The following ADARB1 variants were observed in gnomAD, a reference collection of about 807,000 sequenced individuals.
ADARB1 encodes the protein adenosine deaminase RNA specific B1, also known as double-stranded RNA-specific editase 1.
Under a neutral mutation model 52.4 loss-of-function variants are expected in ADARB1, and 10 were observed. The ratio of observed to expected loss-of-function variants is 0.19; its 90% CI spans 0.12 to 0.32. The LOEUF is 0.32. Among genes scored for constraint, ADARB1 ranks in the 10% least tolerant of loss-of-function variants. ADARB1 has a pLI of 1.00. For missense variants in ADARB1, 643 were observed against 922.3 expected (o/e 0.70, Z 3.92); for synonymous variants, 349 against 371.1 (o/e 0.94, Z 0.68).
chr21:45,076,739 G>C (rs1369723427), intron 1 of ADARB1, among the ~76,000 whole-genome samples: 1 of 152,192 alleles, frequency 6.6e-6, no homozygotes, highest in Non-Finnish European at 1.5e-5. Flanking sequence ...AATTCTTTTA[G>C]ATTTTTGGAA....
At chr21:45,164,497 G>A (rs1198324548) in intron 2 of ADARB1, among the ~76,000 whole-genome samples, 5 of 137,308 alleles carry the variant, frequency 3.6e-5, no homozygotes, top group Non-Finnish European at 6.2e-5. Context: ...CAAACAGGGA[G>A]ACAAATTGTG....
intron 1 of ADARB1, among the ~76,000 whole-genome samples, chr21:45,122,154 G>A (rs1004580875): frequency 3.9e-5 from 6 of 152,148 alleles, no homozygotes; most frequent in Admixed American, 2.0e-4. Context: ...AACTGCACAC[G>A]CGTGCATAGT....
chr21:45,176,362 C>T lies in ADARB1; in HGVS notation c.661C>T (p.Pro221Ser). Residue 221 changes from proline to serine, a missense_variant, in exon 4 of 11, where the codon CCT becomes TCT. Transcript: ENST00000348831. This position sits in a 1 kb window ranked among gnomAD's most constrained non-coding sequence, Gnocchi z 5.8. ...SPVPASLAQP[P>S]LPVLPPFPPP... ...GGTGCCTGCCAGCCTAGCCCAGCCT[C>T]CTCTCCCTGTCTTACCACCATTCCC... 1 of 1,614,198 alleles carries T rather than the reference C, an allele frequency of 6.2e-7. No individual in the cohort carries two copies. The highest frequency in any genetic ancestry group is 8.5e-7 in the Non-Finnish European group (1 of 1,180,018).
chr21:45,188,591 A>G (rs1047009294), intron 8 of ADARB1, among the ~76,000 whole-genome samples: 1 of 148,526 alleles, frequency 6.7e-6, no homozygotes, highest in African/African-American at 2.5e-5. Context: ...TTAGTCTCTT[A>G]TAGACAGTAC....
At chr21:45,075,373 G>A (rs1283163505) in intron 1 of ADARB1, among the ~76,000 whole-genome samples, 3 of 151,860 alleles carry the variant, frequency 2.0e-5, no homozygotes, top group Admixed American at 6.5e-5. Flanking sequence ...CTGGGCCCGG[G>A]CAGGGGAGGC....
rs182098932 is a variant in ADARB1 at position 45,193,478 on chromosome 21, A to G, written c.1565+8387A>G. On this transcript the variant is annotated intron_variant, in intron 8 of 10. Coordinates refer to ENST00000348831, the MANE Select transcript of ADARB1 (RefSeq NM_001112.4). ...TGAATGTGTTTGCCTAAGATCAGGA[A>G]CAAAACAAGATTGTCTGCTCTCCCC... Among the ~76,000 whole-genome samples, 122 of 123,876 alleles carry G rather than the reference A, an allele frequency of 9.8e-4. 1 individual carries two copies. The highest frequency in any genetic ancestry group is 1.8e-3 in the Non-Finnish European group (100 of 54,474). 81.3% of individuals were successfully genotyped at this position (123,876 alleles called of 152,430 possible).
chr21:45,079,337 G>T (rs936547547), intron 1 of ADARB1, among the ~76,000 whole-genome samples: 2 of 152,320 alleles, frequency 1.3e-5, no homozygotes, highest in East Asian at 3.9e-4. Context: ...TATAATTCAT[G>T]CACTTTCATA....
At chr21:45,177,289 G>A (rs2091738816) in intron 4 of ADARB1, 1 of 152,736 alleles carries the variant, frequency 6.5e-6, no homozygotes, top group African/African-American at 2.4e-5. Context: ...AACTGTTCTA[G>A]GGCCTGCCAG....
chr21:45,195,870 A>G lies in ADARB1; in HGVS notation c.1566-8685A>G, dbSNP rs142598865. ...TATTACAGCTTCATTATATTCCTTC[A>G]ATACTGTGTTTGCTCTTCTGGATTT... On this transcript the variant is annotated intron_variant, in intron 8 of 10. Transcript: ENST00000348831. 1.8e-4 allele frequency among the ~76,000 whole-genome samples: 28 copies of G among 152,264 alleles called. No homozygotes were observed. In the East Asian group the frequency reaches 5.2e-3, roughly 28 times the overall value.
chr21:45,180,373 G>C lies in ADARB1; in HGVS notation c.1007G>C (p.Gly336Ala). The C allele has an allele frequency of 6.2e-7, 1 of 1,614,146 alleles. No individual in the cohort carries two copies. Among genetic ancestry groups the C allele is most frequent in the South Asian group, 1.1e-5 (1 of 91,074 alleles). The change falls in exon 5 of 11, where the codon GGT becomes GCT. Residue 336 changes from glycine (G) to alanine (A), a missense_variant. Transcript: ENST00000348831. ...TCACGCCTGGTCCTGGGTAAGTTTG[G>C]TGACCTGACCGACAACTTCTCCTCC... is the stretch of plus-strand genomic sequence containing the variant. ...AVSRLVLGKF[G>A]DLTDNFSSPH...
rs1237438954 is a variant in ADARB1 at position 45,097,414 on chromosome 21, G to A, written c.-220+22621G>A. Among the ~76,000 whole-genome samples the A allele has an allele frequency of 3.3e-5, 5 of 152,146 alleles. No homozygotes were observed. The South Asian group carries it at 8.3e-4, about 25-fold the overall frequency. On this transcript the variant is annotated intron_variant, in intron 1 of 10. Transcript: ENST00000348831. Reference sequence around the variant, plus strand: ...TGTGATGTGGTACAAAGTATAAGGCGTTGGCCATGGTAGAGAATCATGATT... The same window carrying A: ...TGTGATGTGGTACAAAGTATAAGGCATTGGCCATGGTAGAGAATCATGATT...
chr21:45,094,351 A>G lies in ADARB1; in HGVS notation c.-220+19558A>G, dbSNP rs569813895. ...CCCAGGTACTGTCAGCTCATTTTGGACCCAATACTAGTTTATTGCCTGAAA... is the reference window on the plus strand; with the variant it reads ...CCCAGGTACTGTCAGCTCATTTTGGGCCCAATACTAGTTTATTGCCTGAAA... On this transcript the variant is annotated intron_variant, in intron 1 of 10. Coordinates refer to ENST00000348831, the MANE Select transcript of ADARB1 (RefSeq NM_001112.4). 3.5e-4 allele frequency among the ~76,000 whole-genome samples: 54 copies of G among 152,262 alleles called. 2 individuals carry two copies. In the South Asian group the frequency reaches 0.011, roughly 30 times the overall value.
At chr21:45,168,470 T>A (rs140784201) in intron 2 of ADARB1, among the ~76,000 whole-genome samples, 230 of 152,344 alleles carry the variant, frequency 1.5e-3, no homozygotes, top group African/African-American at 5.2e-3. Flanking sequence ...AAGCCCATAA[T>A]CTATTTTGAG....
chr21:45,159,434 C>T lies in ADARB1; in HGVS notation c.-47-12176C>T, dbSNP rs116328979. On this transcript the variant is annotated intron_variant, in intron 2 of 10. Coordinates refer to ENST00000348831, the MANE Select transcript of ADARB1 (RefSeq NM_001112.4). The stretch of plus-strand genomic sequence containing the variant: ...GACGAGATTTGGGTGGGGACACAGC[C>T]AAACTATATCATCATCCTTGAAGCT... 1.9e-3 allele frequency among the ~76,000 whole-genome samples: 291 copies of T among 152,324 alleles called. 1 individual carries two copies. The highest frequency in any genetic ancestry group is 6.5e-3 in the African/African-American group (271 of 41,568).
intron 1 of ADARB1, among the ~76,000 whole-genome samples, chr21:45,105,397 C>T (rs117478012): frequency 1.8e-4 from 27 of 152,242 alleles, no homozygotes; most frequent in African/African-American, 5.5e-4. Context: ...CCACTGCACC[C>T]GGCCTGCTTC....
rs561448034 is a variant in ADARB1 at position 45,204,815 on chromosome 21, C to A, written c.1747+79C>A. On this transcript the variant is annotated intron_variant, in intron 9 of 10. Coordinates refer to ENST00000348831, the MANE Select transcript of ADARB1 (RefSeq NM_001112.4). The surrounding 1 kb of genome is among the most constrained non-coding windows in gnomAD (Gnocchi z 4.4). ...TTCATCCTCATGAATGAAAAAAACA[C>A]CACCTGAGCTGCTCTGTGGCTATCA... 5 of 1,444,130 alleles carry A rather than the reference C, an allele frequency of 3.5e-6. No homozygotes were observed. In the African/African-American group the frequency reaches 5.6e-5, roughly 16 times the overall value. The allele number at this position is 1,444,130 out of a possible 1,614,324, so 89.5% of individuals were successfully genotyped here. A position where few individuals can be genotyped will look rare whatever the true frequency, so the allele number is the denominator to read the frequency against.
intron 8 of ADARB1, among the ~76,000 whole-genome samples, chr21:45,186,997 C>T (rs896902654): frequency 6.6e-6 from 1 of 151,950 alleles, no homozygotes; most frequent in African/African-American, 2.4e-5. Context: ...TTTCAAAATC[C>T]TTTTGGCTAT....
At chr21:45,074,578 C>T (rs1270570654), upstream of ADARB1, 16 of 134,374 alleles carry the variant, frequency 1.2e-4, no homozygotes, top group South Asian at 3.2e-3. Context: ...GGCGGCGGGG[C>T]TGAGGCGCTG....
chr21:45,149,445 G>T (rs1043570360), intron 2 of ADARB1, among the ~76,000 whole-genome samples: 3 of 152,220 alleles, frequency 2.0e-5, no homozygotes, highest in African/African-American at 7.2e-5. Flanking sequence ...CGCATATCTT[G>T]TCTAAATCTT....
Sources: gnomAD v4.1 joint callset for allele counts (sites outside exome capture counted in the v4.1 genomes callset) on GRCh38, gnomAD v4.1.1 for gene constraint, Gnocchi (gnomAD v3.1) non-coding constraint, MANE v1.5 for transcripts, NCBI Gene and HGNC (gene_info 2026-07-23, HGNC 2026-07-21) for gene names.